Variants in DYNC1H1 observed in about 807,000 individuals in gnomAD.
The protein encoded by DYNC1H1 is dynein cytoplasmic 1 heavy chain 1.
In DYNC1H1, 51 loss-of-function variants were observed where a neutral mutation model predicts 527.1. That is an observed-to-expected ratio of 0.10 (90% CI 0.08 to 0.12). DYNC1H1 has a LOEUF of 0.12. Ranked by LOEUF, DYNC1H1 falls within the 10% of genes least tolerant of loss-of-function variation. The pLI is 1.00. For synonymous variants in DYNC1H1, 2,189 were observed against 2,278.8 expected (o/e 0.96, Z 1.12); for missense variants, 2,771 against 5,971.8 (o/e 0.46, Z 17.66).
chr14:101,973,324 A>G (rs965275994), intron 1 of DYNC1H1, among the ~76,000 whole-genome samples: 2 of 151,606 alleles, frequency 1.3e-5, no homozygotes, highest in Non-Finnish European at 1.5e-5. Flanking sequence ...ACACCCAGCT[A>G]ATTTTTTTAA....
chr14:101,999,494 G>A (rs2048106241), intron 16 of DYNC1H1, among the ~76,000 whole-genome samples: 1 of 152,192 alleles, frequency 6.6e-6, no homozygotes, highest in African/African-American at 2.4e-5. Context: ...GTAATATTTT[G>A]TACACCTCTC....
intron 5 of DYNC1H1, among the ~76,000 whole-genome samples, chr14:101,981,538 A>G (rs1406213389): frequency 1.3e-5 from 2 of 152,074 alleles, no homozygotes; most frequent in Non-Finnish European, 2.9e-5. Context: ...TTTCTGTTCA[A>G]CTCTGTGCTC....
At position 102,002,645 on chromosome 14, in the gene DYNC1H1, T is replaced by C. The variant is rs762246186; in HGVS notation, c.4651T>C (p.Phe1551Leu). ...GCGGTGGGTCTACCTGGAAGGTATC[T>C]TCACAGGCAGTGCAGATATCAAGCA... is the stretch of plus-strand genomic sequence containing the variant. ...QRRWVYLEGIFTGSADIKHLL... is the reference protein window; with the variant it reads ...QRRWVYLEGILTGSADIKHLL... The change falls in exon 22 of 78, where the codon TTC (phenylalanine) becomes CTC (leucine). Residue 1551 changes from phenylalanine to leucine, a missense_variant. Phe to Leu is a conservative substitution (Grantham distance 22, BLOSUM62 0). Transcript: ENST00000360184. This position sits in a 1 kb window ranked among gnomAD's most constrained non-coding sequence, Gnocchi z 4.4. The C allele has an allele frequency of 6.2e-6, 10 of 1,614,102 alleles. No individual in the cohort carries two copies. The highest frequency in any genetic ancestry group is 7.6e-6 in the Non-Finnish European group (9 of 1,180,048).
rs1555410999 is a variant in DYNC1H1, at chr14:102,028,091, C to T, written c.9418C>T (p.Arg3140Trp). Residue 3140 changes from arginine to tryptophan, a missense_variant, in exon 48 of 78, where the codon CGG (arginine) becomes TGG (tryptophan). Physicochemically the swap from Arg to Trp is moderately radical, Grantham distance 101 (BLOSUM62 -3). This residue lies in a region of DYNC1H1 where 67 missense variants were observed against 128.2 expected (regional missense o/e 0.52). Transcript: ENST00000360184. ...YDKLPQPPSH[R>W]EAIVNSCVFV... ...TAAGCTGCCGCAGCCACCATCCCAT[C>T]GGGAAGCCATTGTGAACAGCTGTGT... 1.2e-6 allele frequency: 2 copies of T among 1,614,188 alleles called. No individual in the cohort carries two copies. The highest frequency in any genetic ancestry group is 1.7e-6 in the Non-Finnish European group (2 of 1,180,024).
In DYNC1H1 at chr14:101,965,066, C is replaced by A; in HGVS notation, c.256+119C>A. The A allele has an allele frequency of 8.9e-7, 1 of 1,121,002 alleles. No homozygotes were observed. The highest frequency in any genetic ancestry group is 1.2e-6 in the Non-Finnish European group (1 of 816,532). The allele number at this position is 1,121,002 out of a possible 1,614,324, so 69.4% of individuals were successfully genotyped here. ...GGAGGAGCCCGGCAGCTGCAGATGACCCCTGGATGGGCAGAGCCCGGCGGC... is the reference window on the plus strand; with the variant it reads ...GGAGGAGCCCGGCAGCTGCAGATGAACCCTGGATGGGCAGAGCCCGGCGGC... On this transcript the variant is annotated intron_variant, in intron 1 of 77. Coordinates refer to ENST00000360184, the MANE Select transcript of DYNC1H1 (RefSeq NM_001376.5). This position sits in a 1 kb window ranked among gnomAD's most constrained non-coding sequence, Gnocchi z 4.1.
chr14:101,977,987 A>G (rs1470053097), intron 2 of DYNC1H1, among the ~76,000 whole-genome samples: 1 of 152,192 alleles, frequency 6.6e-6, no homozygotes, highest in African/African-American at 2.4e-5. Context: ...CCCAGGCTCA[A>G]GCGATCCTCC....
intron 11 of DYNC1H1, among the ~76,000 whole-genome samples, chr14:101,992,901 A>C (rs1254826863): frequency 6.6e-6 from 1 of 151,660 alleles, no homozygotes; most frequent in Admixed American, 6.6e-5. Context: ...AACTCCCTCT[A>C]AATGTTCTGT....
chr14:102,048,558 G>T lies in DYNC1H1; in HGVS notation c.13261G>T (p.Ala4421Ser), dbSNP rs376492799. The change falls in exon 74 of 78, where the codon GCA becomes TCA. Residue 4421 changes from alanine to serine, a missense_variant. By Grantham distance (99) the Ala-to-Ser change is moderately conservative. Coordinates refer to ENST00000360184, the MANE Select transcript of DYNC1H1 (RefSeq NM_001376.5). ...RFFEREVKMG[A>S]KLLQDVRQDL... The stretch of plus-strand genomic sequence containing the variant: ...CTTTGAGAGAGAAGTGAAGATGGGC[G>T]CAAAGCTGCTTCAGGACGTTCGCCA... 1.2e-6 allele frequency: 2 copies of T among 1,614,202 alleles called. No individual in the cohort carries two copies. Among genetic ancestry groups the T allele is most frequent in the Non-Finnish European group, 1.7e-6 (2 of 1,180,040 alleles).
At chr14:101,993,731 C>T (rs1354314470) in intron 11 of DYNC1H1, among the ~76,000 whole-genome samples, 1 of 152,202 alleles carries the variant, frequency 6.6e-6, no homozygotes, top group Non-Finnish European at 1.5e-5. Flanking sequence ...CCATGCTGTG[C>T]CCACACTCCC....
rs1178479635 is a variant in DYNC1H1, at chr14:101,985,767, T to C, written c.1542T>C (p.Ala514=). The part of the protein sequence containing the change: ...DMKVAEVLFD[A]ADANAIEEVN... ...AAGTGGCTGAGGTTCTCTTTGATGCTGCAGATGCAAATGCCATTGAGGAAG... is the reference window on the plus strand; with the variant it reads ...AAGTGGCTGAGGTTCTCTTTGATGCCGCAGATGCAAATGCCATTGAGGAAG... The change falls in exon 8 of 78, where the codon GCT becomes GCC. Residue 514 remains alanine, a synonymous_variant. Coordinates refer to ENST00000360184, the MANE Select transcript of DYNC1H1 (RefSeq NM_001376.5). The surrounding 1 kb of genome is among the most constrained non-coding windows in gnomAD (Gnocchi z 5.9). 3.7e-6 allele frequency: 6 copies of C among 1,614,226 alleles called. No individual in the cohort carries two copies. The highest frequency in any genetic ancestry group is 5.1e-6 in the Non-Finnish European group (6 of 1,180,048).
chr14:102,040,422 C>T lies in DYNC1H1; in HGVS notation c.11865+12C>T, dbSNP rs1244509873. 1.2e-6 allele frequency: 2 copies of T among 1,614,144 alleles called. No individual in the cohort carries two copies. Among genetic ancestry groups the T allele is most frequent in the Non-Finnish European group, 1.7e-6 (2 of 1,180,028 alleles). On this transcript the variant is annotated intron_variant, in intron 63 of 77. Transcript: ENST00000360184. ...TTCAGGCAGACGAGGTGATTGTTCT[C>T]TTGAATGTTCCCAGTAGGTAAATGT... is the stretch of plus-strand genomic sequence containing the variant.
At chr14:102,026,771 C>T (rs1479809793) in intron 44 of DYNC1H1, 64 bp downstream of exon 44, 29 of 1,585,480 alleles carry the variant, frequency 1.8e-5, no homozygotes, top group South Asian at 1.1e-5. Context: ...AGTGTGTGTG[C>T]CGGGTCACAC....
At chr14:102,008,066 A>G in intron 28 of DYNC1H1, 112 bp from the exon 29 acceptor site, 1 of 1,508,394 alleles carries the variant, frequency 6.6e-7, no homozygotes, top group Non-Finnish European at 9.1e-7. Flanking sequence ...CTTTCGCTAA[A>G]GACAAACCCA....
intron 41 of DYNC1H1, among the ~76,000 whole-genome samples, chr14:102,019,319 T>C (rs1346926129): frequency 6.6e-6 from 1 of 152,224 alleles, no homozygotes; most frequent in Non-Finnish European, 1.5e-5. Flanking sequence ...CTATTTGCAT[T>C]TCTCTGTTGA....
chr14:102,031,680 C>T (rs1016402974), intron 51 of DYNC1H1, among the ~76,000 whole-genome samples: 8 of 152,052 alleles, frequency 5.3e-5, no homozygotes, highest in African/African-American at 7.3e-5. Flanking sequence ...TTTGGCCAGG[C>T]GCAGTGGCTC....
At chr14:102,032,686 T>C in intron 52 of DYNC1H1, 1 of 623,246 alleles carries the variant, frequency 1.6e-6, no homozygotes, top group South Asian at 1.9e-5. Flanking sequence ...ACCCTGTCTC[T>C]ACAAAAAAAT....
rs1215238724 is a variant in DYNC1H1 at position 102,001,601 on chromosome 14, C to T, written c.4462C>T (p.Arg1488Cys). ...VNYQNKCRLI[R>C]GWDDLFNKVK... ...TTATCAGAACAAGTGCCGCTTGATC[C>T]GTGGCTGGGATGACCTCTTCAACAA... Residue 1488 changes from arginine (R) to cysteine (C), a missense_variant, in exon 21 of 78, where the codon CGT becomes TGT. By Grantham distance (180) the Arg-to-Cys change is radical (BLOSUM62 -3). This residue lies in a region of DYNC1H1 where 223 missense variants were observed against 462.5 expected (regional missense o/e 0.48). Transcript: ENST00000360184. This position sits in a 1 kb window ranked among gnomAD's most constrained non-coding sequence, Gnocchi z 5.0. The T allele has an allele frequency of 3.1e-6, 5 of 1,614,020 alleles. No individual in the cohort carries two copies. The highest frequency in any genetic ancestry group is 1.1e-5 in the South Asian group (1 of 91,088).
chr14:101,979,643 T>TGACAGACCTGAAATGATGG lies in DYNC1H1; in HGVS notation c.519-73_519-55dup. On this transcript the variant is annotated intron_variant, in intron 3 of 77. Transcript: ENST00000360184. This position sits in a 1 kb window ranked among gnomAD's most constrained non-coding sequence, Gnocchi z 4.6. ...AATAAATATGTGTGTCATTACTATT[T>TGACAGACCTGAAATGATGG]GACAGACCTGAAATGATGGGATCTC... The TGACAGACCTGAAATGATGG allele has an allele frequency of 6.2e-7, 1 of 1,610,596 alleles. No individual in the cohort carries two copies. Among genetic ancestry groups the TGACAGACCTGAAATGATGG allele is most frequent in the Non-Finnish European group, 8.5e-7 (1 of 1,178,726 alleles).
At position 102,048,013 on chromosome 14, in the gene DYNC1H1, C is replaced by T. The variant is rs138022242; in HGVS notation, c.13203C>T (p.Thr4401=). The T allele has an allele frequency of 1.1e-4, 174 of 1,611,174 alleles. No individual in the cohort carries two copies. Among genetic ancestry groups the T allele is most frequent in the South Asian group, 1.6e-4 (15 of 91,038 alleles). Residue 4401 remains threonine, a synonymous_variant, in exon 73 of 78, where the codon ACC becomes ACT. Coordinates refer to ENST00000360184, the MANE Select transcript of DYNC1H1 (RefSeq NM_001376.5). ...AGACGCTGAGCCACCTCAAGCGCACCGTGGAGAATATCAAGGTAGCTGGGA... is the reference window on the plus strand; with the variant it reads ...AGACGCTGAGCCACCTCAAGCGCACTGTGGAGAATATCAAGGTAGCTGGGA... ...IPQTLSHLKR[T]VENIKDPLFR...
Sources: allele counts gnomAD v4.1 joint callset (sites outside exome capture counted in the v4.1 genomes callset), GRCh38; gene constraint gnomAD v4.1.1; regional missense constraint gnomAD v4.1.1; non-coding constraint Gnocchi (gnomAD v3.1); transcripts MANE v1.5; gene names NCBI Gene and HGNC (gene_info 2026-07-23, HGNC 2026-07-21).